Variants in CHRM5 observed in about 807,000 individuals in gnomAD.
CHRM5 encodes muscarinic acetylcholine receptor M5.
In CHRM5, 18 loss-of-function variants were observed where a neutral mutation model predicts 39.0. The ratio of observed to expected loss-of-function variants is 0.46; its 90% CI spans 0.32 to 0.68. The LOEUF is 0.68. CHRM5 is among the 30% of genes least tolerant of loss of function. The pLI is 0.04. For missense variants in CHRM5, 515 were observed against 651.1 expected (o/e 0.79, Z 2.28); for synonymous variants, 241 against 246.3 (o/e 0.98, Z 0.20).
intron 1 of CHRM5, among the ~76,000 whole-genome samples, chr15:33,986,615 C>T (rs1896481631): frequency 6.6e-6 from 1 of 152,048 alleles, no homozygotes; most frequent in African/African-American, 2.4e-5. Flanking sequence ...GTGCAATACA[C>T]AGGATATAAT....
At chr15:34,032,131 T>G (rs1249545424) in intron 1 of CHRM5, among the ~76,000 whole-genome samples, 1 of 152,176 alleles carries the variant, frequency 6.6e-6, no homozygotes, top group Non-Finnish European at 1.5e-5. Flanking sequence ...TAGAAATTAC[T>G]ATGTGTCACT....
At chr15:34,057,447 A>C (rs1900199460) in intron 2 of CHRM5, among the ~76,000 whole-genome samples, 1 of 152,018 alleles carries the variant, frequency 6.6e-6, no homozygotes, top group South Asian at 2.1e-4. Context: ...CAGCCAGAAT[A>C]GTCATTTTGA....
intron 2 of CHRM5, among the ~76,000 whole-genome samples, chr15:34,057,711 C>T (rs993226272): frequency 9.2e-5 from 14 of 152,130 alleles, no homozygotes; most frequent in Admixed American, 3.9e-4. Flanking sequence ...GCAGGAGGAT[C>T]GCTTGAGGCC....
chr15:33,997,688 C>A (rs1283571688), intron 1 of CHRM5, among the ~76,000 whole-genome samples: 2 of 152,064 alleles, frequency 1.3e-5, no homozygotes, highest in African/African-American at 2.4e-5. Flanking sequence ...CCCTCATCTT[C>A]TCTCATATCT....
At chr15:34,040,267 G>C (rs1044129309) in intron 1 of CHRM5, among the ~76,000 whole-genome samples, 23 of 152,164 alleles carry the variant, frequency 1.5e-4, no homozygotes, top group African/African-American at 5.1e-4. Flanking sequence ...GTGTTGCTGA[G>C]TGCAGTGAGA....
intron 1 of CHRM5, among the ~76,000 whole-genome samples, chr15:34,037,642 G>C (rs182454718): frequency 6.6e-6 from 1 of 151,180 alleles, no homozygotes; most frequent in East Asian, 1.9e-4. Flanking sequence ...CTTAGTTTCT[G>C]TCAGTTTACA....
chr15:34,016,027 A>G (rs1162888967), intron 1 of CHRM5, among the ~76,000 whole-genome samples: 1 of 152,256 alleles, frequency 6.6e-6, no homozygotes, highest in Non-Finnish European at 1.5e-5. Context: ...CTGTAATCCC[A>G]GCACTTTGGG....
intron 1 of CHRM5, among the ~76,000 whole-genome samples, chr15:33,997,956 C>T (rs12050691): frequency 0.21 from 31,779 of 151,976 alleles, 5,121 homozygotes; most frequent in African/African-American, 0.45. Flanking sequence ...CATTTTCCTA[C>T]TTGGAAAATA....
intron 1 of CHRM5, among the ~76,000 whole-genome samples, chr15:34,043,810 G>A (rs1218057063): frequency 6.6e-6 from 1 of 152,110 alleles, no homozygotes; most frequent in Non-Finnish European, 1.5e-5. Flanking sequence ...ATGAAGAAAT[G>A]AAAGCAACCA....
chr15:33,988,003 T>C (rs1896551786), intron 1 of CHRM5, among the ~76,000 whole-genome samples: 1 of 152,180 alleles, frequency 6.6e-6, no homozygotes, highest in Non-Finnish European at 1.5e-5. Context: ...CCAACTTCCA[T>C]AGGCCAAAAG....
At chr15:34,047,073 G>GTTTT (rs56218206) in intron 2 of CHRM5, among the ~76,000 whole-genome samples, 17 of 145,180 alleles carry the variant, frequency 1.2e-4, no homozygotes, top group South Asian at 8.6e-4. Context: ...TTTTTTGTTG[G>GTTTT]TTTTTTTTTT....
rs906113549 is a variant in CHRM5, at chr15:34,002,002, C to T, written c.-408+32852C>T. 4.6e-5 allele frequency among the ~76,000 whole-genome samples: 7 copies of T among 152,140 alleles called. No homozygotes were observed. The South Asian group carries it at 1.2e-3, about 27-fold the overall frequency. ...TAACCTGGCAATAATTATTTAGCGA[C>T]GTAATTGCAGATTCACACACAGTTA... On this transcript the variant is annotated intron_variant, in intron 1 of 2. Coordinates refer to ENST00000383263, the MANE Select transcript of CHRM5 (RefSeq NM_012125.4).
Position 33,980,969 on chromosome 15 carries a change from G to A in CHRM5, c.-408+11819G>A, listed in dbSNP as rs1423591151. On this transcript the variant is annotated intron_variant, in intron 1 of 2. Coordinates refer to ENST00000383263, the MANE Select transcript of CHRM5 (RefSeq NM_012125.4). The stretch of plus-strand genomic sequence containing the variant: ...TTAACATAGGATTCAGAAACACTCT[G>A]CAAGTAAAAACTTTCTCACTTTAAA... 2.0e-5 allele frequency among the ~76,000 whole-genome samples: 3 copies of A among 152,246 alleles called. No homozygotes were observed. The East Asian group carries it at 5.8e-4, about 29-fold the overall frequency.
intron 1 of CHRM5, among the ~76,000 whole-genome samples, chr15:34,029,834 T>C (rs1898686873): frequency 6.6e-6 from 1 of 152,192 alleles, no homozygotes. Flanking sequence ...AGCCCAAATA[T>C]TGAACAGAGA....
chr15:34,024,003 G>C (rs1413279866), intron 1 of CHRM5, among the ~76,000 whole-genome samples: 1 of 152,112 alleles, frequency 6.6e-6, no homozygotes, highest in Admixed American at 6.6e-5. Context: ...GGTTTTAATC[G>C]TAACAGGAAA....
Position 34,062,884 on chromosome 15 carries a change from A to G in CHRM5, c.167A>G (p.Lys56Arg). The change falls in exon 3 of 3, where the codon AAA becomes AGA. Residue 56 changes from lysine to arginine, a missense_variant. By Grantham distance (26) the Lys-to-Arg change is conservative. Coordinates refer to ENST00000383263, the MANE Select transcript of CHRM5 (RefSeq NM_012125.4). ...VGNVLVMISF[K>R]VNSQLKTVNN... ...AATGTCTTGGTCATGATCTCCTTCA[A>G]AGTCAACAGCCAGCTCAAGACAGTT... is the stretch of plus-strand genomic sequence containing the variant. 1 of 1,614,196 alleles carries G rather than the reference A, an allele frequency of 6.2e-7. No individual in the cohort carries two copies. The highest frequency in any genetic ancestry group is 1.1e-5 in the South Asian group (1 of 91,074).
At chr15:34,017,131 G>A (rs1179323935) in intron 1 of CHRM5, among the ~76,000 whole-genome samples, 2 of 48,000 alleles carry the variant, frequency 4.2e-5, no homozygotes, top group African/African-American at 6.7e-5. Context: ...CTGTCTCAAG[G>A]GGGAAAAAAA....
At chr15:34,029,518 A>C (rs12899427) in intron 1 of CHRM5, among the ~76,000 whole-genome samples, 18 of 6,950 alleles carry the variant, frequency 2.6e-3, no homozygotes, top group Admixed American at 5.0e-3. Context: ...CTATTTCTAC[A>C]AAAAAAAAAA....
intron 1 of CHRM5, chr15:34,038,766 C>T (rs764982641): frequency 2.4e-4 from 285 of 1,167,126 alleles, no homozygotes; most frequent in Non-Finnish European, 2.9e-4. Context: ...GCCCCACCAG[C>T]CGTCGCCTCT....
Sources: gnomAD v4.1 joint callset for allele counts (sites outside exome capture counted in the v4.1 genomes callset) on GRCh38, gnomAD v4.1.1 for gene constraint, MANE v1.5 for transcripts, NCBI Gene and HGNC (gene_info 2026-07-23, HGNC 2026-07-21) for gene names.